Variants in MGAT5 observed in about 807,000 individuals in gnomAD.
MGAT5 encodes the protein alpha-1,6-mannosylglycoprotein 6-beta-N-acetylglucosaminyltransferase.
MGAT5 carries 30 observed loss-of-function variants against 94.3 expected under a neutral mutation model. That is an observed-to-expected ratio of 0.32 (90% CI 0.24 to 0.43). MGAT5 has a LOEUF of 0.43. MGAT5 is among the 20% of genes least tolerant of loss of function. The pLI is 1.00. For missense variants in MGAT5, 691 were observed against 905.5 expected (o/e 0.76, Z 3.04); for synonymous variants, 310 against 322.9 (o/e 0.96, Z 0.43).
At chr2:134,415,017 C>G (rs1455355001) in intron 12 of MGAT5, among the ~76,000 whole-genome samples, 3 of 152,202 alleles carry the variant, frequency 2.0e-5, no homozygotes, top group Non-Finnish European at 4.4e-5. Flanking sequence ...TATTCATCCA[C>G]TGAAGGCCAC....
At chr2:134,139,409 C>T (rs1022096608) in intron 1 of MGAT5, among the ~76,000 whole-genome samples, 1 of 142,708 alleles carries the variant, frequency 7.0e-6, no homozygotes, top group African/African-American at 2.8e-5. Context: ...ATCAATGAGG[C>T]AATTTTGTGT....
intron 4 of MGAT5, among the ~76,000 whole-genome samples, chr2:134,326,581 A>G (rs544550287): frequency 2.0e-4 from 30 of 152,048 alleles, no homozygotes; most frequent in African/African-American, 7.2e-4. Context: ...AGGGGCCACA[A>G]CCTGAGTGCC....
chr2:134,245,860 T>A (rs1349143965), intron 1 of MGAT5, among the ~76,000 whole-genome samples: 1 of 152,184 alleles, frequency 6.6e-6, no homozygotes, highest in African/African-American at 2.4e-5. Context: ...GTGGATGGTA[T>A]AACTGCAAGA....
rs146835255 is a variant in MGAT5 at position 134,236,028 on chromosome 2, C to T, written c.-142-18234C>T. On this transcript the variant is annotated intron_variant, in intron 1 of 16. Coordinates refer to the MGAT5 transcript ENST00000409645. ...CATCCAAGTAGCTGGAAAATACAGA[C>T]CTGTTTTTCTCAGTTAAGTTGAAAA... Among the ~76,000 whole-genome samples the T allele has an allele frequency of 2.2e-4, 34 of 152,232 alleles. No homozygotes were observed. The East Asian group carries it at 5.4e-3, about 24-fold the overall frequency.
At chr2:134,289,253 G>A (rs1261213721) in intron 2 of MGAT5, among the ~76,000 whole-genome samples, 1 of 152,148 alleles carries the variant, frequency 6.6e-6, no homozygotes. Flanking sequence ...GACCTGTCTT[G>A]TTCCCTCTGA....
At chr2:134,274,838 T>C (rs1050125989) in intron 2 of MGAT5, among the ~76,000 whole-genome samples, 1 of 152,202 alleles carries the variant, frequency 6.6e-6, no homozygotes, top group Non-Finnish European at 1.5e-5. Context: ...TTTTCCAAAG[T>C]GGGGAGCGAT....
intron 10 of MGAT5, among the ~76,000 whole-genome samples, chr2:134,395,842 C>T (rs1035023164): frequency 1.3e-5 from 2 of 152,280 alleles, no homozygotes; most frequent in Admixed American, 6.5e-5. Flanking sequence ...CCTGTTCGTT[C>T]CCCCAGATAG....
chr2:134,304,914 A>G (rs2105841114), intron 2 of MGAT5, among the ~76,000 whole-genome samples: 1 of 152,280 alleles, frequency 6.6e-6, no homozygotes, highest in East Asian at 1.9e-4. Flanking sequence ...CAAGGACATT[A>G]CCTAGCAGGC....
At chr2:134,354,945 T>C (rs974489010) in intron 9 of MGAT5, among the ~76,000 whole-genome samples, 1 of 152,188 alleles carries the variant, frequency 6.6e-6, no homozygotes, top group African/African-American at 2.4e-5. Flanking sequence ...TGGATCAGGC[T>C]GTTTCTCCTC....
chr2:134,413,479 C>T (rs944238422), intron 12 of MGAT5, among the ~76,000 whole-genome samples: 4 of 152,124 alleles, frequency 2.6e-5, no homozygotes, highest in African/African-American at 4.8e-5. Context: ...TTTTTTCACC[C>T]ACCATCCCAA....
At chr2:134,137,808 T>G (rs1024276685) in intron 1 of MGAT5, among the ~76,000 whole-genome samples, 6 of 152,136 alleles carry the variant, frequency 3.9e-5, no homozygotes, top group African/African-American at 1.4e-4. Context: ...TTACATTACA[T>G]TATATTCTTA....
At chr2:134,378,278 A>ACC (rs1573961037) in intron 10 of MGAT5, among the ~76,000 whole-genome samples, 1 of 152,148 alleles carries the variant, frequency 6.6e-6, no homozygotes, top group East Asian at 1.9e-4. Context: ...TGGAGACCGT[A>ACC]TTGGGGAGCA....
At chr2:134,296,203 G>A (rs1685663354) in intron 2 of MGAT5, among the ~76,000 whole-genome samples, 1 of 152,120 alleles carries the variant, frequency 6.6e-6, no homozygotes, top group African/African-American at 2.4e-5. Flanking sequence ...TTGTGGCTGT[G>A]TCAGAGAATT....
chr2:134,123,198 T>TA (rs1305151386), intron 1 of MGAT5, among the ~76,000 whole-genome samples: 7 of 152,316 alleles, frequency 4.6e-5, no homozygotes, highest in African/African-American at 1.7e-4. Flanking sequence ...ATTGAAATGC[T>TA]AGACTCCCCT....
intron 1 of MGAT5, among the ~76,000 whole-genome samples, chr2:134,219,002 C>G (rs1446610218): frequency 3.3e-5 from 5 of 152,114 alleles, no homozygotes; most frequent in African/African-American, 9.7e-5. Context: ...TGAGTAAGAT[C>G]CCAGTCCTAC....
Position 134,448,891 on chromosome 2 carries a change from T to C in MGAT5, c.*44T>C, listed in dbSNP as rs764219202. 3.2e-5 allele frequency: 51 copies of C among 1,580,712 alleles called. No individual in the cohort carries two copies. The South Asian group carries it at 5.5e-4, about 17-fold the overall frequency. On this transcript the variant is annotated 3_prime_UTR_variant, in exon 16 of 16. Coordinates refer to ENST00000281923, the MANE Select transcript of MGAT5 (RefSeq NM_002410.5). ...TGCACCATGCTGCTGGGGAAGACAG[T>C]GGCCCCAGCCCCGTCAGGCAGGGCC...
exon 1 of MGAT5, chr2:134,120,184 C>T (rs1685497226): frequency 4.6e-6 from 1 of 217,198 alleles, no homozygotes; most frequent in Non-Finnish European, 9.0e-6. Flanking sequence ...CGCGATCCAG[C>T]CCAGGTAGCC....
chr2:134,448,884 A>C lies in MGAT5; in HGVS notation c.*37A>C, dbSNP rs761276358. On this transcript the variant is annotated 3_prime_UTR_variant, in exon 16 of 16. Coordinates refer to ENST00000281923, the MANE Select transcript of MGAT5 (RefSeq NM_002410.5). ...TCAGCCCTGCACCATGCTGCTGGGG[A>C]AGACAGTGGCCCCAGCCCCGTCAGG... 5 of 1,589,494 alleles carry C rather than the reference A, an allele frequency of 3.1e-6. No homozygotes were observed. The highest frequency in any genetic ancestry group is 4.3e-6 in the Non-Finnish European group (5 of 1,164,036).
intron 13 of MGAT5, among the ~76,000 whole-genome samples, chr2:134,425,923 T>A (rs73960910): frequency 0.018 from 2,685 of 150,802 alleles, 72 homozygotes; most frequent in African/African-American, 0.055. Context: ...CAAAGCAGGA[T>A]GCCCAAGAAT....
Sources: allele counts gnomAD v4.1 joint callset (sites outside exome capture counted in the v4.1 genomes callset), GRCh38; gene constraint gnomAD v4.1.1; transcripts MANE v1.5; gene names NCBI Gene and HGNC (gene_info 2026-07-23, HGNC 2026-07-21).